Variants in SNX29 observed in about 807,000 individuals in gnomAD.
SNX29 encodes the protein sorting nexin-29.
In SNX29, 78 loss-of-function variants were observed where a neutral mutation model predicts 102.1. That is an observed-to-expected ratio of 0.76 (90% CI 0.64 to 0.92). The LOEUF is 0.92. Among genes scored for constraint, SNX29 ranks in the 40% least tolerant of loss-of-function variants. SNX29 has a pLI of 0.00. For synonymous variants in SNX29, 580 were observed against 414.5 expected, an observed-to-expected ratio of 1.40 and a Z score of -4.85; for missense variants, 1,280 against 1,061.7, an observed-to-expected ratio of 1.21 and a Z score of -2.86.
At chr16:11,978,618 C>G (rs1445975377) in intron 1 of SNX29, among the ~76,000 whole-genome samples, 1 of 152,066 alleles carries the variant, frequency 6.6e-6, no homozygotes, top group Non-Finnish European at 1.5e-5. Flanking sequence ...AGGGCTGGGA[C>G]TAGGCACTGT....
At chr16:12,290,730 G>A (rs965931097) in intron 15 of SNX29, among the ~76,000 whole-genome samples, 2 of 152,204 alleles carry the variant, frequency 1.3e-5, no homozygotes, top group Admixed American at 6.5e-5. Context: ...GCTTGGGACT[G>A]TGTGACTAGT....
At position 12,569,370 on chromosome 16, in the gene SNX29, G is replaced by A. The variant is rs1426569124; in HGVS notation, c.*741G>A. On this transcript the variant is annotated 3_prime_UTR_variant, in exon 21 of 21. Coordinates refer to ENST00000566228, the MANE Select transcript of SNX29 (RefSeq NM_032167.5). Reference sequence around the variant, plus strand: ...GCCCTCGCCAGGCTTGGAGTGGGGGGACTCAGACATCTGGCCCAGCCATCA... The same window carrying A: ...GCCCTCGCCAGGCTTGGAGTGGGGGAACTCAGACATCTGGCCCAGCCATCA... 16 of 230,488 alleles carry A rather than the reference G, an allele frequency of 6.9e-5. No individual in the cohort carries two copies. The highest frequency in any genetic ancestry group is 1.3e-3 in the Middle Eastern group (1 of 794). The allele number at this position is 230,488 out of a possible 1,614,324, so 14.3% of individuals were successfully genotyped here.
At chr16:12,136,096 CCT>C (rs1555468454) in intron 13 of SNX29, among the ~76,000 whole-genome samples, 11 of 152,236 alleles carry the variant, frequency 7.2e-5, no homozygotes, top group African/African-American at 2.4e-4. Flanking sequence ...CGGTTACTCT[CCT>C]GTTGTGACTT....
intron 20 of SNX29, among the ~76,000 whole-genome samples, chr16:12,548,727 C>T (rs1394750510): frequency 2.6e-5 from 4 of 152,134 alleles, no homozygotes; most frequent in Admixed American, 6.6e-5. Flanking sequence ...GGGGTACATC[C>T]AGGGCTCCAA....
At chr16:12,554,975 C>T (rs371578571) in intron 20 of SNX29, among the ~76,000 whole-genome samples, 3 of 150,546 alleles carry the variant, frequency 2.0e-5, no homozygotes, top group African/African-American at 2.5e-5. Context: ...TGAGGGGGGT[C>T]AGTCAGCCGG....
intron 1 of SNX29, among the ~76,000 whole-genome samples, chr16:11,982,634 T>G (rs142738008): frequency 3.9e-5 from 6 of 152,166 alleles, no homozygotes; most frequent in African/African-American, 1.4e-4. Context: ...TTTCACCATG[T>G]TAGCCAGGAC....
intron 20 of SNX29, among the ~76,000 whole-genome samples, chr16:12,538,351 A>T (rs1341829309): frequency 6.6e-6 from 1 of 152,112 alleles, no homozygotes; most frequent in African/African-American, 2.4e-5. Context: ...CGGTCTTCCA[A>T]AGTGCTGACA....
At chr16:12,515,922 C>G (rs1215674530) in intron 19 of SNX29, among the ~76,000 whole-genome samples, 1 of 152,066 alleles carries the variant, frequency 6.6e-6, no homozygotes, top group South Asian at 2.1e-4. Flanking sequence ...ATGTCACAGT[C>G]CACTGCAGAT....
At chr16:12,280,229 G>C (rs888622027) in intron 15 of SNX29, among the ~76,000 whole-genome samples, 2 of 152,232 alleles carry the variant, frequency 1.3e-5, no homozygotes, top group African/African-American at 4.8e-5. Context: ...ACTGAAAGGA[G>C]ACTCACGGGT....
At chr16:12,208,821 G>T (rs2077110905) in intron 14 of SNX29, among the ~76,000 whole-genome samples, 1 of 147,968 alleles carries the variant, frequency 6.8e-6, no homozygotes, top group African/African-American at 2.5e-5. Context: ...AGCTTGGGCG[G>T]TAGAGTGAGA....
chr16:11,976,923 C>T, intron 1 of SNX29, 110 bp downstream of exon 1: 1 of 1,245,692 alleles, frequency 8.0e-7, no homozygotes. Context: ...CGCAGACCCC[C>T]TCCCAGTCGC....
In SNX29 at chr16:12,490,160, G is replaced by C. The variant is rs545673792; in HGVS notation, c.2178+12301G>C. On this transcript the variant is annotated intron_variant, in intron 19 of 20. Coordinates refer to ENST00000566228, the MANE Select transcript of SNX29 (RefSeq NM_032167.5). ...AGCATACCTCCAATTTTAAGGTACA[G>C]TTTGATGGATTTTCACAAAATGAAC... Among the ~76,000 whole-genome samples, 7 of 152,294 alleles carry C rather than the reference G, an allele frequency of 4.6e-5. No homozygotes were observed. In the East Asian group the frequency reaches 7.7e-4, roughly 17 times the overall value.
chr16:12,553,712 C>G (rs746084424), intron 20 of SNX29, among the ~76,000 whole-genome samples: 3 of 151,390 alleles, frequency 2.0e-5, no homozygotes, highest in Non-Finnish European at 2.9e-5. Flanking sequence ...CTCAGCCTAC[C>G]ACGCAGCTGG....
intron 3 of SNX29, among the ~76,000 whole-genome samples, chr16:12,021,957 A>G (rs865853981): frequency 1.3e-5 from 2 of 151,654 alleles, no homozygotes; most frequent in Non-Finnish European, 2.9e-5. Context: ...ACAGAAAACT[A>G]GTTGAGCTGG....
In SNX29 at chr16:12,043,075, G is replaced by A; in HGVS notation, c.426G>A (p.Leu142=). The change falls in exon 5 of 21, where the codon CTG becomes CTA. Residue 142 remains leucine, a splice_region_variant and synonymous_variant. Coordinates refer to ENST00000566228, the MANE Select transcript of SNX29 (RefSeq NM_032167.5). ...LHMLLADRCR[L]STFYEDWSFV... is the part of the protein sequence containing the mutation. ...TGCTCCTGGCCGACCGCTGCAGGCT[G>A]AGGTACGTGGCCGGGATGCGAACTG... 6.2e-7 allele frequency: 1 copy of A among 1,613,114 alleles called. No individual in the cohort carries two copies. Among genetic ancestry groups the A allele is most frequent in the Non-Finnish European group, 8.5e-7 (1 of 1,179,808 alleles).
chr16:12,410,905 C>G (rs1260140465), intron 18 of SNX29, among the ~76,000 whole-genome samples: 1 of 152,208 alleles, frequency 6.6e-6, no homozygotes, highest in African/African-American at 2.4e-5. Context: ...CGTTTCTCAG[C>G]TCTTCCTTTT....
intron 14 of SNX29, among the ~76,000 whole-genome samples, chr16:12,200,721 G>T (rs1272953250): frequency 6.6e-6 from 1 of 152,162 alleles, no homozygotes; most frequent in African/African-American, 2.4e-5. Flanking sequence ...CTGACTCCAG[G>T]TGATCCGTCC....
chr16:12,154,601 C>G (rs1019563858), intron 13 of SNX29, among the ~76,000 whole-genome samples: 2 of 152,232 alleles, frequency 1.3e-5, no homozygotes, highest in Admixed American at 6.5e-5. Flanking sequence ...TCACCCACAG[C>G]AGGTGACCGG....
intron 8 of SNX29, among the ~76,000 whole-genome samples, chr16:12,054,164 C>T (rs898932435): frequency 6.6e-6 from 1 of 152,138 alleles, no homozygotes; most frequent in African/African-American, 2.4e-5. Context: ...GACAGGGTTT[C>T]ACCCTGTTAG....
Sources: allele counts gnomAD v4.1 joint callset (sites outside exome capture counted in the v4.1 genomes callset), GRCh38; gene constraint gnomAD v4.1.1; transcripts MANE v1.5; gene names NCBI Gene and HGNC (gene_info 2026-07-23, HGNC 2026-07-21).